Variants in RARB observed in about 807,000 individuals in gnomAD.
RARB encodes the protein retinoic acid receptor beta.
In RARB, 17 loss-of-function variants were observed where a neutral mutation model predicts 51.9. The observed-to-expected ratio is 0.33, with a 90% CI of 0.22 to 0.49. RARB has a LOEUF of 0.49. Among genes scored for constraint, RARB ranks in the 20% least tolerant of loss-of-function variants. The pLI, the probability that RARB is intolerant of heterozygous loss-of-function variation, is 0.99. For missense variants in RARB, 369 were observed against 550.8 expected, an observed-to-expected ratio of 0.67 and a Z score of 3.30; for synonymous variants, 215 against 195.4, an observed-to-expected ratio of 1.10 and a Z score of -0.84.
rs537527578 is a variant in RARB at position 25,156,931 on chromosome 3, T to C, written c.-279-17188T>C. The stretch of plus-strand genomic sequence containing the variant: ...CTGGCTAACTGGACAGCTGAAATAT[T>C]GGAGCTAGGTCAGGCTAGAGATCGT... On this transcript the variant is annotated intron_variant, in intron 4 of 11. Transcript: ENST00000383772. Among the ~76,000 whole-genome samples the C allele has an allele frequency of 5.9e-5, 9 of 152,346 alleles. No homozygotes were observed. In the South Asian group the frequency reaches 1.7e-3, roughly 28 times the overall value.
intron 5 of RARB, among the ~76,000 whole-genome samples, chr3:25,415,216 T>C (rs974233378): frequency 6.6e-5 from 10 of 152,046 alleles, no homozygotes; most frequent in Non-Finnish European, 7.3e-5. Context: ...GAAGTTCTAA[T>C]TATTTTGTTT....
intron 4 of RARB, among the ~76,000 whole-genome samples, chr3:25,148,678 C>G (rs1700233847): frequency 6.6e-6 from 1 of 152,188 alleles, no homozygotes; most frequent in Non-Finnish European, 1.5e-5. Flanking sequence ...TCTCATAGCT[C>G]TGTGCCTCAG....
chr3:25,376,146 G>A (rs578050744), intron 5 of RARB, among the ~76,000 whole-genome samples: 1 of 152,190 alleles, frequency 6.6e-6, no homozygotes, highest in East Asian at 1.9e-4. Context: ...CCTCAAAGTT[G>A]GGCTATTACT....
chr3:24,925,657 A>ATTT (rs1695305882), intron 2 of RARB, among the ~76,000 whole-genome samples: 2 of 143,720 alleles, frequency 1.4e-5, no homozygotes, highest in African/African-American at 5.1e-5. Flanking sequence ...TTTTTTTTTA[A>ATTT]AAAAAAAAAA....
chr3:25,188,122 A>G (rs980339818), intron 5 of RARB, among the ~76,000 whole-genome samples: 2 of 152,118 alleles, frequency 1.3e-5, no homozygotes, highest in African/African-American at 4.8e-5. Context: ...TATATTGTAT[A>G]TGTTTTGGGG....
At chr3:25,383,754 C>A (rs1157129930) in intron 5 of RARB, among the ~76,000 whole-genome samples, 4 of 151,942 alleles carry the variant, frequency 2.6e-5, no homozygotes, top group Non-Finnish European at 5.9e-5. Context: ...ATGGTGAAAC[C>A]CCGTCTCTAT....
rs143595816 is a variant in RARB, at chr3:25,227,066, A to T, written c.178+52491A>T. ...TCCACTATTCCAGAACTGCTGGGTC[A>T]GACACTGTAAAGATGTTGCTTAGGA... On this transcript the variant is annotated intron_variant, in intron 5 of 11. Transcript: ENST00000383772. Among the ~76,000 whole-genome samples the T allele has an allele frequency of 4.3e-3, 654 of 152,358 alleles. 2 individuals carry two copies. Among genetic ancestry groups the T allele is most frequent in the Non-Finnish European group, 6.7e-3 (459 of 68,034 alleles).
At chr3:24,830,028 G>C (rs1244113451) in intron 1 of RARB, among the ~76,000 whole-genome samples, 1 of 152,168 alleles carries the variant, frequency 6.6e-6, no homozygotes, top group Non-Finnish European at 1.5e-5. Context: ...AGCGGGTAGC[G>C]CCAGGCTGCA....
intron 1 of RARB, among the ~76,000 whole-genome samples, chr3:25,457,676 T>G (rs12634974): frequency 0.064 from 9,713 of 152,268 alleles, 366 homozygotes; most frequent in East Asian, 0.13. Context: ...TTTGTTTCCT[T>G]TCTTTGGGAA....
At chr3:25,153,394 A>G (rs1443369697) in intron 4 of RARB, among the ~76,000 whole-genome samples, 1 of 152,160 alleles carries the variant, frequency 6.6e-6, no homozygotes, top group Non-Finnish European at 1.5e-5. Context: ...ATTCCTTACG[A>G]AGGACATGCA....
At chr3:24,938,706 A>G (rs1223515064) in intron 2 of RARB, among the ~76,000 whole-genome samples, 1 of 152,186 alleles carries the variant, frequency 6.6e-6, no homozygotes, top group Non-Finnish European at 1.5e-5. Flanking sequence ...CTGTGTACCC[A>G]TTAAGTGAAT....
intron 2 of RARB, among the ~76,000 whole-genome samples, chr3:25,041,327 G>GT (rs1238238634): frequency 5.9e-5 from 9 of 152,024 alleles, no homozygotes; most frequent in Admixed American, 4.6e-4. Context: ...TGATTCACAA[G>GT]TTTTTTTCAA....
intron 2 of RARB, among the ~76,000 whole-genome samples, chr3:25,058,809 C>T (rs1429788356): frequency 6.6e-6 from 1 of 151,522 alleles, no homozygotes; most frequent in African/African-American, 2.4e-5. Flanking sequence ...ATGATTGGTT[C>T]TATATAGATT....
chr3:25,300,986 G>C (rs1477420432), intron 5 of RARB, among the ~76,000 whole-genome samples: 2 of 152,152 alleles, frequency 1.3e-5, no homozygotes, highest in African/African-American at 4.8e-5. Context: ...TACAAAGCGA[G>C]ACTCTGTCTC....
chr3:25,580,648 C>T lies in RARB; in HGVS notation c.712C>T (p.Arg238Cys), dbSNP rs1326225499. The T allele has an allele frequency of 5.0e-6, 8 of 1,613,000 alleles. No individual in the cohort carries two copies. The highest frequency in any genetic ancestry group is 4.5e-5 in the East Asian group (2 of 44,870). ...TATTAAGATCGTGGAGTTTGCTAAA[C>T]GTCTGCCTGGTTTCACTGGCTTGAC... ...CIIKIVEFAK[R>C]LPGFTGLTIA... Residue 238 changes from arginine to cysteine, a missense_variant, in exon 5 of 8, where the codon CGT becomes TGT. This residue lies in a region of RARB where 49 missense variants were observed against 103.4 expected (regional missense o/e 0.47). Transcript: ENST00000330688.
At chr3:24,989,247 T>A (rs957069445) in intron 2 of RARB, among the ~76,000 whole-genome samples, 1 of 152,202 alleles carries the variant, frequency 6.6e-6, no homozygotes, top group Non-Finnish European at 1.5e-5. Flanking sequence ...TGCGAGCCCA[T>A]CAGAATGGGA....
intron 2 of RARB, among the ~76,000 whole-genome samples, chr3:25,005,260 G>T (rs1048339708): frequency 6.6e-6 from 1 of 152,060 alleles, no homozygotes; most frequent in Non-Finnish European, 1.5e-5. Context: ...ATTTATTACT[G>T]TGTAAGAAAT....
intron 2 of RARB, among the ~76,000 whole-genome samples, chr3:24,922,820 C>G (rs1695246778): frequency 6.6e-6 from 1 of 152,110 alleles, no homozygotes; most frequent in Admixed American, 6.6e-5. Context: ...TGCCAAACAT[C>G]TCTCTCTGAA....
chr3:25,166,524 A>G (rs907223341), intron 4 of RARB, among the ~76,000 whole-genome samples: 1 of 152,200 alleles, frequency 6.6e-6, no homozygotes, highest in African/African-American at 2.4e-5. Flanking sequence ...TCCCCACACC[A>G]AGTTCTAAAT....
Sources: gnomAD v4.1 joint callset for allele counts (sites outside exome capture counted in the v4.1 genomes callset) on GRCh38, gnomAD v4.1.1 for gene constraint, gnomAD v4.1.1 regional missense constraint, MANE v1.5 for transcripts, NCBI Gene and HGNC (gene_info 2026-07-23, HGNC 2026-07-21) for gene names.